The following MAST2 variants were observed in gnomAD, a reference collection of about 807,000 sequenced individuals.
MAST2 encodes microtubule associated serine/threonine kinase 2.
In MAST2, 70 loss-of-function variants were observed where a neutral mutation model predicts 147.4. That is an observed-to-expected ratio of 0.47 (90% confidence interval 0.39 to 0.58). MAST2 has a LOEUF of 0.58. MAST2 is among the 20% of genes least tolerant of loss of function. MAST2 has a pLI of 0.00. For missense variants in MAST2, 2,080 were observed against 2,302.3 expected (o/e 0.90, Z 1.98); for synonymous variants, 869 against 896.8 (o/e 0.97, Z 0.55).
intron 4 of MAST2, among the ~76,000 whole-genome samples, chr1:45,900,384 G>A (rs1649568623): frequency 6.6e-6 from 1 of 151,208 alleles, no homozygotes; most frequent in Non-Finnish European, 1.5e-5. Context: ...ATTCTGACTG[G>A]TATAAGATGG....
rs759548390 is a variant in MAST2, at chr1:46,035,132, G to A, written c.4463G>A (p.Arg1488Gln). 18 of 1,613,704 alleles carry A rather than the reference G, an allele frequency of 1.1e-5. No individual in the cohort carries two copies. In the Admixed American group the frequency reaches 1.2e-4, roughly 10 times the overall value. The stretch of plus-strand genomic sequence containing the variant: ...ACCCTCCGGCAGGACCGAGCCGAAC[G>A]ACGGGAGTCGCTGCAGAAGCAAGAA... ...LGTLRQDRAERRESLQKQEAI... is the reference protein window; with the variant it reads ...LGTLRQDRAEQRESLQKQEAI... The change falls in exon 29 of 29, where the codon CGA becomes CAA. Residue 1488 changes from arginine (R) to glutamine (Q), a missense_variant. Around this residue, in one of 4 missense-constraint regions of MAST2, gnomAD observed 1,278 missense variants for 1,304.2 expected, o/e 0.98. Coordinates refer to ENST00000361297, the MANE Select transcript of MAST2 (RefSeq NM_015112.3). The surrounding 1 kb of genome is among the most constrained non-coding windows in gnomAD (Gnocchi z 5.5).
At chr1:45,957,995 G>C (rs1366497705) in intron 4 of MAST2, among the ~76,000 whole-genome samples, 1 of 152,116 alleles carries the variant, frequency 6.6e-6, no homozygotes, top group Non-Finnish European at 1.5e-5. Context: ...AGAAATTGGG[G>C]ATATAGGCAG....
intron 5 of MAST2, among the ~76,000 whole-genome samples, chr1:45,964,961 T>G (rs916330790): frequency 6.6e-6 from 1 of 152,206 alleles, no homozygotes; most frequent in African/African-American, 2.4e-5. Context: ...TATTTCTGCC[T>G]TCATTTCGTT....
At chr1:46,033,255 C>T (rs1245358172) in intron 26 of MAST2, among the ~76,000 whole-genome samples, 1 of 145,136 alleles carries the variant, frequency 6.9e-6, no homozygotes, top group Non-Finnish European at 1.5e-5. Context: ...TTGGGAGACA[C>T]AGCAAGACTC....
rs185130913 is a variant in MAST2, at chr1:45,832,356, A to T, written c.468+2775A>T. 1.3e-4 allele frequency among the ~76,000 whole-genome samples: 20 copies of T among 149,602 alleles called. No individual in the cohort carries two copies. In the East Asian group the frequency reaches 4.0e-3, roughly 30 times the overall value. On this transcript the variant is annotated intron_variant, in intron 3 of 28. Transcript: ENST00000361297. The stretch of plus-strand genomic sequence containing the variant: ...CCCTCTGTTGTCCAGTCTGGAGTGC[A>T]GTGTCATGATCTTAGCTCACTGCAC...
At chr1:45,897,536 G>A (rs980593309) in intron 4 of MAST2, among the ~76,000 whole-genome samples, 1 of 152,116 alleles carries the variant, frequency 6.6e-6, no homozygotes, top group Non-Finnish European at 1.5e-5. Flanking sequence ...TAGGCTAGGC[G>A]AAGTGGTCAT....
At chr1:45,854,671 C>T (rs1286969119) in intron 3 of MAST2, among the ~76,000 whole-genome samples, 1 of 152,094 alleles carries the variant, frequency 6.6e-6, no homozygotes, top group Non-Finnish European at 1.5e-5. Flanking sequence ...CTCTCAAACT[C>T]ACCACAACAC....
At chr1:45,917,384 T>G in intron 4 of MAST2, 1 of 1,366,564 alleles carries the variant, frequency 7.3e-7, no homozygotes, top group Non-Finnish European at 9.8e-7. Flanking sequence ...AGCACATGTT[T>G]TCACCCACAT....
intron 3 of MAST2, among the ~76,000 whole-genome samples, chr1:45,833,844 G>A (rs535246599): frequency 7.3e-5 from 11 of 150,884 alleles, no homozygotes; most frequent in Non-Finnish European, 1.6e-4. Flanking sequence ...CTTTCCCAGG[G>A]AACTGCTTTT....
chr1:45,847,444 G>A, intron 3 of MAST2: 1 of 577,458 alleles, frequency 1.7e-6, no homozygotes, highest in East Asian at 4.5e-5. Context: ...TGAAACCATT[G>A]CAGTTTTTCA....
chr1:45,833,634 G>C (rs1401755504), intron 3 of MAST2, among the ~76,000 whole-genome samples: 1 of 152,114 alleles, frequency 6.6e-6, no homozygotes, highest in Non-Finnish European at 1.5e-5. Flanking sequence ...TGGTGGGTGG[G>C]AAGTGATATC....
chr1:46,003,873 C>T (rs1645374457), intron 7 of MAST2, among the ~76,000 whole-genome samples: 2 of 152,232 alleles, frequency 1.3e-5, no homozygotes, highest in South Asian at 4.1e-4. Flanking sequence ...CAGAAGCAGG[C>T]CGTAGACCTG....
chr1:45,852,528 A>AT (rs530831596), intron 3 of MAST2, among the ~76,000 whole-genome samples: 38,034 of 135,772 alleles, frequency 0.28, 5,431 homozygotes, highest in South Asian at 0.38. Context: ...TGCCTGGCTA[A>AT]TTTTTTTTTT....
chr1:46,029,129 C>T, intron 18 of MAST2, 196 bp downstream of exon 18: 3 of 608,870 alleles, frequency 4.9e-6, no homozygotes, highest in South Asian at 2.5e-5. Flanking sequence ...CTTGGGGCTT[C>T]ACATGTCTCT....
intron 3 of MAST2, among the ~76,000 whole-genome samples, chr1:45,869,277 A>G (rs1646285566): frequency 6.6e-6 from 1 of 152,186 alleles, no homozygotes; most frequent in African/African-American, 2.4e-5. Flanking sequence ...CCAGCCTCAG[A>G]TCTTTAGAGT....
Position 45,803,650 on chromosome 1 carries a change from A to T in MAST2, c.-246A>T, listed in dbSNP as rs1644053405. 3.6e-6 allele frequency: 1 copy of T among 279,642 alleles called. No homozygotes were observed. The highest frequency in any genetic ancestry group is 5.3e-5 in the Admixed American group (1 of 18,936). 17.3% of individuals were successfully genotyped at this position (279,642 alleles called of 1,614,324 possible). ...TGAGCCGGCGGCGGGTGGCCTGCCC[A>T]ACGTGTGCTGGGTGGGAGAAGGCGA... On this transcript the variant is annotated 5_prime_UTR_variant, in exon 1 of 29. Coordinates refer to ENST00000361297, the MANE Select transcript of MAST2 (RefSeq NM_015112.3).
intron 1 of MAST2, among the ~76,000 whole-genome samples, chr1:45,813,889 C>G (rs912121809): frequency 5.9e-5 from 9 of 152,280 alleles, no homozygotes; most frequent in African/African-American, 2.2e-4. Context: ...TGGCCTCAAG[C>G]AATCCTTCTG....
intron 4 of MAST2, among the ~76,000 whole-genome samples, chr1:45,888,663 C>CTTTTTTTTTTTTTTTTTTTTTTTTTT (rs71587722): frequency 1.0e-4 from 5 of 48,726 alleles, no homozygotes; most frequent in East Asian, 5.9e-4. Flanking sequence ...CGCGCGGCCT[C>CTTTTTTTTTTTTTTTTTTTTTTTTTT]TTTTTTTTTT....
At chr1:45,979,255 A>G (rs544105955) in intron 5 of MAST2, among the ~76,000 whole-genome samples, 108 of 152,300 alleles carry the variant, frequency 7.1e-4, no homozygotes, top group African/African-American at 2.5e-3. Context: ...GTTAAACTGT[A>G]TAAATGAAGC....
Sources: allele counts gnomAD v4.1 joint callset (sites outside exome capture counted in the v4.1 genomes callset), GRCh38; gene constraint gnomAD v4.1.1; regional missense constraint gnomAD v4.1.1; non-coding constraint Gnocchi (gnomAD v3.1); transcripts MANE v1.5; gene names NCBI Gene and HGNC (gene_info 2026-07-23, HGNC 2026-07-21).